GABRB1: variants seen among roughly 807,000 people sequenced by gnomAD.
The protein encoded by GABRB1 is gamma-aminobutyric acid receptor subunit beta-1.
GABRB1 carries 17 observed loss-of-function variants against 51.6 expected under a neutral mutation model. The ratio of observed to expected loss-of-function variants is 0.33; its 90% CI spans 0.23 to 0.49. The LOEUF (loss-of-function observed/expected upper bound fraction) is 0.49, where lower values mean the gene tolerates loss of function less well. GABRB1 is among the 20% of genes least tolerant of loss of function. The pLI is 0.99. For missense variants in GABRB1, 410 were observed against 600.6 expected, an observed-to-expected ratio of 0.68 and a Z score of 3.32; for synonymous variants, 247 against 218.9, an observed-to-expected ratio of 1.13 and a Z score of -1.14.
At chr4:47,402,087 G>C (rs1469402481) in intron 5 of GABRB1, among the ~76,000 whole-genome samples, 2 of 152,214 alleles carry the variant, frequency 1.3e-5, no homozygotes, top group Non-Finnish European at 2.9e-5. Flanking sequence ...CCAGTTTAAA[G>C]CAGTAAAGTT....
At chr4:47,018,041 T>G (rs1378719044) in intron 1 of GABRB1, among the ~76,000 whole-genome samples, 8 of 152,040 alleles carry the variant, frequency 5.3e-5, no homozygotes, top group Admixed American at 5.2e-4. Context: ...TTCTTTGTCG[T>G]CATCTTCCTC....
intron 8 of GABRB1, among the ~76,000 whole-genome samples, chr4:47,414,927 G>A (rs139563147): frequency 6.6e-6 from 1 of 152,274 alleles, no homozygotes; most frequent in African/African-American, 2.4e-5. Flanking sequence ...AACTCACCCT[G>A]CCTTTGATGA....
chr4:47,033,955 AT>A (rs1451799160), intron 3 of GABRB1, among the ~76,000 whole-genome samples: 1 of 152,228 alleles, frequency 6.6e-6, no homozygotes, highest in East Asian at 1.9e-4. Flanking sequence ...AACCCAAAAC[AT>A]ATTATTTAGA....
At chr4:47,387,662 G>A (rs1727846159) in intron 5 of GABRB1, among the ~76,000 whole-genome samples, 1 of 152,322 alleles carries the variant, frequency 6.6e-6, no homozygotes, top group African/African-American at 2.4e-5. Context: ...CCAGTGACTA[G>A]ACTTTGCTAG....
intron 3 of GABRB1, among the ~76,000 whole-genome samples, chr4:47,056,984 T>C (rs1726636745): frequency 6.6e-6 from 1 of 152,074 alleles, no homozygotes; most frequent in South Asian, 2.1e-4. Flanking sequence ...CATGCCCCTG[T>C]AATCCCAGCT....
At chr4:47,406,085 C>T (rs1040742512) in intron 7 of GABRB1, among the ~76,000 whole-genome samples, 11 of 152,058 alleles carry the variant, frequency 7.2e-5, no homozygotes, top group African/African-American at 2.7e-4. Flanking sequence ...GTAAAATATA[C>T]ATAAATCAAG....
intron 3 of GABRB1, among the ~76,000 whole-genome samples, chr4:47,095,802 G>T (rs138540857): frequency 1.8e-3 from 268 of 152,250 alleles, no homozygotes; most frequent in Non-Finnish European, 2.7e-3. Flanking sequence ...TCAATCACTT[G>T]CATAATCCAT....
intron 4 of GABRB1, among the ~76,000 whole-genome samples, chr4:47,176,282 T>A (rs1325090088): frequency 6.6e-6 from 1 of 152,082 alleles, no homozygotes; most frequent in Non-Finnish European, 1.5e-5. Context: ...AAGGCAAGCA[T>A]GATTTAGAAT....
At chr4:47,004,120 C>T (rs1724312379) in intron 1 of GABRB1, among the ~76,000 whole-genome samples, 1 of 152,050 alleles carries the variant, frequency 6.6e-6, no homozygotes, top group Non-Finnish European at 1.5e-5. Context: ...TCCCGAGTAG[C>T]TGGGACTACA....
intron 4 of GABRB1, among the ~76,000 whole-genome samples, chr4:47,211,291 A>C (rs1416629545): frequency 6.6e-6 from 1 of 152,212 alleles, no homozygotes; most frequent in Non-Finnish European, 1.5e-5. Context: ...TTGAAGCAAG[A>C]AAAACATTTT....
intron 4 of GABRB1, among the ~76,000 whole-genome samples, chr4:47,263,619 G>C (rs1722536309): frequency 6.6e-6 from 1 of 152,094 alleles, no homozygotes; most frequent in South Asian, 2.1e-4. Flanking sequence ...CAAAATGATA[G>C]AGGAGAAATA....
chr4:47,253,557 G>A (rs553443627), intron 4 of GABRB1, among the ~76,000 whole-genome samples: 2 of 152,112 alleles, frequency 1.3e-5, no homozygotes, highest in South Asian at 4.1e-4. Context: ...TTTACAAATT[G>A]TTCCTTTCCA....
intron 8 of GABRB1, among the ~76,000 whole-genome samples, chr4:47,419,840 G>A (rs1729041648): frequency 6.6e-6 from 1 of 152,150 alleles, no homozygotes; most frequent in South Asian, 2.1e-4. Flanking sequence ...GGAGTGGGGT[G>A]AGAGTGAAAT....
intron 7 of GABRB1, among the ~76,000 whole-genome samples, chr4:47,404,786 G>A (rs1422991938): frequency 6.6e-6 from 1 of 152,114 alleles, no homozygotes; most frequent in Non-Finnish European, 1.5e-5. Context: ...TTGAACATGA[G>A]TATTGTTAGG....
At chr4:47,137,151 T>A (rs902362664) in intron 3 of GABRB1, among the ~76,000 whole-genome samples, 1 of 152,054 alleles carries the variant, frequency 6.6e-6, no homozygotes, top group Non-Finnish European at 1.5e-5. Flanking sequence ...CTAACTGGCC[T>A]CTAGGAAGTT....
At chr4:47,347,033 G>C (rs2109993441) in intron 5 of GABRB1, among the ~76,000 whole-genome samples, 1 of 152,220 alleles carries the variant, frequency 6.6e-6, no homozygotes, top group African/African-American at 2.4e-5. Context: ...TGTAATCCCA[G>C]TACTCTGGGA....
intron 1 of GABRB1, among the ~76,000 whole-genome samples, chr4:47,002,808 A>G (rs1724269432): frequency 6.6e-6 from 1 of 152,210 alleles, no homozygotes; most frequent in Non-Finnish European, 1.5e-5. Context: ...CTTCATTACC[A>G]TCTGGTGGCT....
intron 4 of GABRB1, among the ~76,000 whole-genome samples, chr4:47,294,239 T>TGCCAGACA (rs1437809512): frequency 6.6e-6 from 1 of 151,978 alleles, no homozygotes; most frequent in Non-Finnish European, 1.5e-5. Context: ...CACTAGGGAG[T>TGCCAGACA]GCCAGACAAT....
At chr4:47,149,201 T>A (rs961394022) in intron 3 of GABRB1, among the ~76,000 whole-genome samples, 1 of 152,008 alleles carries the variant, frequency 6.6e-6, no homozygotes, top group African/African-American at 2.4e-5. Context: ...AGTTAAATGT[T>A]CAGAAACAGA....
Sources: allele counts gnomAD v4.1 joint callset (sites outside exome capture counted in the v4.1 genomes callset), GRCh38; gene constraint gnomAD v4.1.1; transcripts MANE v1.5; gene names NCBI Gene and HGNC (gene_info 2026-07-23, HGNC 2026-07-21).